Variants in NOTCH2 observed in about 807,000 individuals in gnomAD.
NOTCH2 encodes neurogenic locus notch homolog protein 2.
NOTCH2 carries 29 observed loss-of-function variants against 235.8 expected under a neutral mutation model. That is an observed-to-expected ratio of 0.12 (90% CI 0.09 to 0.17). NOTCH2 has a LOEUF of 0.17. Among genes scored for constraint, NOTCH2 ranks in the 10% least tolerant of loss-of-function variants. The pLI is 1.00. For synonymous variants in NOTCH2, 1,086 were observed against 1,141.5 expected, an observed-to-expected ratio of 0.95 and a Z score of 0.98; for missense variants, 2,285 against 3,150.2, an observed-to-expected ratio of 0.73 and a Z score of 6.57.
At chr1:119,999,717 T>C (rs1570731871) in intron 3 of NOTCH2, among the ~76,000 whole-genome samples, 3 of 152,080 alleles carry the variant, frequency 2.0e-5, no homozygotes, top group African/African-American at 7.2e-5. Context: ...TGCCATCTTT[T>C]CTAAAAATAC....
rs1466770119 is a variant in NOTCH2, at chr1:119,913,228, C to T, written c.*2078G>A. The T allele has an allele frequency of 4.3e-6, 1 of 233,186 alleles. No individual in the cohort carries two copies. The highest frequency in any genetic ancestry group is 8.5e-6 in the Non-Finnish European group (1 of 118,048). 14.4% of individuals were successfully genotyped at this position (233,186 alleles called of 1,614,324 possible). ...TGGAGAGAATAAAGCAGAGAATGAA[C>T]AAACTTAATCTGCTTATCTCAGGGC... On this transcript the variant is annotated 3_prime_UTR_variant, in exon 34 of 34. Coordinates refer to ENST00000256646, the MANE Select transcript of NOTCH2 (RefSeq NM_024408.4).
rs1319023119 is a variant in NOTCH2, at chr1:119,997,905, C to T, written c.416-573G>A. ...AGAAGAATCACTTGAACCCAGGAGG[C>T]GGAGGTTGCAGTGAGCCGAGATTGT... On this transcript the variant is annotated intron_variant, in intron 3 of 33. Coordinates refer to ENST00000256646, the MANE Select transcript of NOTCH2 (RefSeq NM_024408.4). Among the ~76,000 whole-genome samples the T allele has an allele frequency of 1.1e-4, 16 of 140,248 alleles. 1 individual carries two copies. The highest frequency in any genetic ancestry group is 3.5e-4 in the African/African-American group (12 of 34,610). The allele number at this position is 140,248 out of a possible 152,430, so 92.0% of individuals were successfully genotyped here. A position where few individuals can be genotyped will look rare whatever the true frequency, so the allele number is the denominator to read the frequency against.
At chr1:120,039,053 T>C (rs1654435916) in intron 1 of NOTCH2, among the ~76,000 whole-genome samples, 1 of 151,092 alleles carries the variant, frequency 6.6e-6, no homozygotes, top group African/African-American at 2.4e-5. Context: ...ATCTTCCCCA[T>C]GAGTAGGTTC....
At chr1:120,045,763 T>C (rs1553213515) in intron 1 of NOTCH2, among the ~76,000 whole-genome samples, 1 of 152,250 alleles carries the variant, frequency 6.6e-6, no homozygotes, top group African/African-American at 2.4e-5. Flanking sequence ...AAAGGGATAT[T>C]TGAAACGTGG....
intron 16 of NOTCH2, 141 bp from the exon 17 acceptor site, chr1:119,948,707 G>A (rs1466992096): frequency 9.9e-7 from 1 of 1,005,048 alleles, no homozygotes; most frequent in Non-Finnish European, 1.5e-6. Flanking sequence ...GAAGTTCCAG[G>A]AAGACTTCTG....
At chr1:119,967,645 C>T in intron 7 of NOTCH2, 24 bp from the exon 8 acceptor site, 3 of 1,610,926 alleles carry the variant, frequency 1.9e-6, no homozygotes, top group Non-Finnish European at 2.5e-6. Flanking sequence ...GTACCAATTA[C>T]TGGGATCAAA....
intron 1 of NOTCH2, among the ~76,000 whole-genome samples, chr1:120,047,825 C>T (rs868908208): frequency 2.5e-3 from 299 of 121,758 alleles, no homozygotes; most frequent in Middle Eastern, 4.9e-3. Context: ...AGTGCAATGG[C>T]GTGATCTCAG....
intron 5 of NOTCH2, among the ~76,000 whole-genome samples, chr1:119,970,874 T>C (rs1312203849): frequency 6.6e-6 from 1 of 152,220 alleles, no homozygotes; most frequent in African/African-American, 2.4e-5. Flanking sequence ...TGTCAAGGTG[T>C]CCTTCATTCT....
intron 5 of NOTCH2, among the ~76,000 whole-genome samples, chr1:119,986,453 G>A (rs1652021542): frequency 6.6e-6 from 1 of 152,082 alleles, no homozygotes; most frequent in Non-Finnish European, 1.5e-5. Context: ...ACAAATGTAG[G>A]ATGCGTATCA....
intron 17 of NOTCH2, among the ~76,000 whole-genome samples, chr1:119,945,797 T>C (rs1650233110): frequency 6.6e-6 from 1 of 151,988 alleles, no homozygotes; most frequent in Non-Finnish European, 1.5e-5. Flanking sequence ...GAATAAGAAG[T>C]AAACAGAAAG....
chr1:119,963,743 A>C lies in NOTCH2; in HGVS notation c.1746T>G (p.Gly582=). 6.2e-7 allele frequency: 1 copy of C among 1,614,142 alleles called. No homozygotes were observed. The highest frequency in any genetic ancestry group is 8.5e-7 in the Non-Finnish European group (1 of 1,179,996). ...DNCDPDPCHH[G]QCQDGIDSYT... is the part of the protein sequence containing the mutation. ...AGGAATCAATACCATCCTGACACTG[A>C]CCATGGTGGCAAGGATCGGGGTCAC... The change falls in exon 11 of 34, where the codon GGT becomes GGG. Residue 582 remains glycine, a synonymous_variant. Transcript: ENST00000256646.
At chr1:119,928,891 G>T in intron 23 of NOTCH2, 85 bp downstream of exon 23, 1 of 1,121,848 alleles carries the variant, frequency 8.9e-7, no homozygotes, top group East Asian at 2.3e-5. Flanking sequence ...GCTTCACTTG[G>T]GTCTGGGACA....
intron 1 of NOTCH2, among the ~76,000 whole-genome samples, chr1:120,042,868 A>G (rs1411332762): frequency 1.3e-5 from 2 of 151,250 alleles, no homozygotes; most frequent in Non-Finnish European, 2.9e-5. Flanking sequence ...AAATTTGAGC[A>G]CAGTGAGTTT....
chr1:120,005,645 A>G, intron 2 of NOTCH2, 57 bp from the exon 3 acceptor site: 1 of 1,003,500 alleles, frequency 1.0e-6, no homozygotes, highest in Non-Finnish European at 1.5e-6. Context: ...AGTCCAAAAA[A>G]TTACAGTAAA....
At chr1:119,980,000 T>G (rs1651751785) in intron 5 of NOTCH2, among the ~76,000 whole-genome samples, 1 of 152,194 alleles carries the variant, frequency 6.6e-6, no homozygotes, top group Non-Finnish European at 1.5e-5. Context: ...GTGGACCAAT[T>G]TCCTCTTCCT....
intron 4 of NOTCH2, chr1:119,996,787 T>C: frequency 1.2e-6 from 1 of 825,544 alleles, no homozygotes; most frequent in Non-Finnish European, 2.2e-6. Context: ...CCACTCATCA[T>C]CATAAACCCT....
At chr1:120,006,047 C>T (rs1369318662) in intron 2 of NOTCH2, among the ~76,000 whole-genome samples, 1 of 151,404 alleles carries the variant, frequency 6.6e-6, no homozygotes, top group East Asian at 2.0e-4. Context: ...TTATCCCCTC[C>T]AATTTAAAAT....
intron 1 of NOTCH2, among the ~76,000 whole-genome samples, chr1:120,067,471 T>C (rs1655550895): frequency 6.6e-6 from 1 of 152,230 alleles, no homozygotes; most frequent in Admixed American, 6.5e-5. Context: ...ATCCCATTTC[T>C]GATATCATAT....
chr1:120,014,420 T>G (rs1480682360), intron 2 of NOTCH2, among the ~76,000 whole-genome samples: 29 of 149,376 alleles, frequency 1.9e-4, no homozygotes, highest in Non-Finnish European at 4.0e-4. Context: ...AAAAAAAAAG[T>G]GTCATTTCTG....
Sources: gnomAD v4.1 joint callset for allele counts (sites outside exome capture counted in the v4.1 genomes callset) on GRCh38, gnomAD v4.1.1 for gene constraint, MANE v1.5 for transcripts, NCBI Gene and HGNC (gene_info 2026-07-23, HGNC 2026-07-21) for gene names.